STAG1: variants seen among roughly 807,000 people sequenced by gnomAD.
STAG1 encodes cohesin subunit SA-1.
A neutral mutation model predicts 170.9 loss-of-function variants in STAG1; 26 were observed. That is an observed-to-expected ratio of 0.15 (90% confidence interval 0.11 to 0.21). The LOEUF (loss-of-function observed/expected upper bound fraction) is 0.21. STAG1 is among the 10% of genes least tolerant of loss of function. The probability of loss-of-function intolerance (pLI) is 1.00; values close to 1 mark genes in which losing one functional copy is unlikely to be tolerated. For missense variants in STAG1, 964 were observed against 1,509.5 expected (o/e 0.64, Z 5.99); for synonymous variants, 514 against 497.7 (o/e 1.03, Z -0.44).
chr3:136,447,596 ATTTTTT>A (rs777110138), intron 14 of STAG1, among the ~76,000 whole-genome samples: 62 of 74,324 alleles, frequency 8.3e-4, no homozygotes, highest in African/African-American at 3.4e-3. Flanking sequence ...AAAGCATCAC[ATTTTTT>A]TTTTTTTTTT....
At chr3:136,455,112 T>C (rs777969260) in intron 13 of STAG1, among the ~76,000 whole-genome samples, 25 of 152,208 alleles carry the variant, frequency 1.6e-4, no homozygotes, top group Non-Finnish European at 3.1e-4. Context: ...CAAAAACTAA[T>C]GGAGGCTTAT....
At chr3:136,709,477 A>C (rs1250573884) in intron 1 of STAG1, among the ~76,000 whole-genome samples, 1 of 151,948 alleles carries the variant, frequency 6.6e-6, no homozygotes, top group East Asian at 1.9e-4. Context: ...GCTCACTCCT[A>C]TAATCACAGC....
chr3:136,604,350 T>C lies in STAG1; in HGVS notation c.256A>G (p.Thr86Ala). The C allele has an allele frequency of 6.2e-7, 1 of 1,612,678 alleles. No homozygotes were observed. Among genetic ancestry groups the C allele is most frequent in the Non-Finnish European group, 8.5e-7 (1 of 1,179,664 alleles). ...PQQNGEGEPVTLFEVVKLGKS... is the reference protein window; with the variant it reads ...PQQNGEGEPVALFEVVKLGKS... Reference sequence around the variant, plus strand: ...CCCAGTTTCACCACCTCAAATAATGTGACAGGCTCCCCTTCCCCATTCTGT... The same window carrying C: ...CCCAGTTTCACCACCTCAAATAATGCGACAGGCTCCCCTTCCCCATTCTGT... The change falls in exon 4 of 34, where the codon ACA becomes GCA. Residue 86 changes from threonine to alanine, a missense_variant. Physicochemically the swap from Thr to Ala is moderately conservative, Grantham distance 58. Transcript: ENST00000383202.
rs1351113612 is a variant in STAG1, at chr3:136,337,988, AACAC to A, written c.*262_*265del. The stretch of plus-strand genomic sequence containing the variant: ...TAAAATTTCTTCCTCCCTCCAGAAA[AACAC>A]ACACATCTGTATTGGGATAAGTCCA... On this transcript the variant is annotated 3_prime_UTR_variant, in exon 34 of 34. Transcript: ENST00000383202. The A allele has an allele frequency of 1.1e-5, 4 of 360,542 alleles. No individual in the cohort carries two copies. The highest frequency in any genetic ancestry group is 2.1e-5 in the African/African-American group (1 of 47,826). 22.3% of individuals were successfully genotyped at this position (360,542 alleles called of 1,614,324 possible). A position where few individuals can be genotyped will look rare whatever the true frequency, so the allele number is the denominator to read the frequency against.
At chr3:136,675,333 T>C (rs1352828192) in intron 1 of STAG1, among the ~76,000 whole-genome samples, 2 of 152,200 alleles carry the variant, frequency 1.3e-5, no homozygotes, top group Non-Finnish European at 1.5e-5. Flanking sequence ...AACAGCCATA[T>C]GCAAACATGA....
intron 11 of STAG1, 48 bp from the exon 12 acceptor site, chr3:136,472,540 G>C (rs1216954656): frequency 1.5e-6 from 2 of 1,319,478 alleles, no homozygotes; most frequent in Non-Finnish European, 1.1e-6. Flanking sequence ...CAGAAAATAA[G>C]CTGGGACAGA....
intron 1 of STAG1, among the ~76,000 whole-genome samples, chr3:136,679,105 T>C (rs912599524): frequency 6.6e-6 from 1 of 152,226 alleles, no homozygotes; most frequent in Middle Eastern, 3.4e-3. Context: ...TTACACCTAT[T>C]GGGCTGGCAA....
intron 4 of STAG1, among the ~76,000 whole-genome samples, chr3:136,580,366 CAG>C (rs1305195139): frequency 6.6e-6 from 1 of 151,474 alleles, no homozygotes. Flanking sequence ...AATAAAAAAA[CAG>C]AAAAACTGTG....
chr3:136,430,721 C>T (rs2088273307), intron 16 of STAG1, among the ~76,000 whole-genome samples: 1 of 150,770 alleles, frequency 6.6e-6, no homozygotes, highest in South Asian at 2.1e-4. Context: ...CCACATGCAG[C>T]CTGCAGGCCA....
chr3:136,377,974 G>C lies in STAG1; in HGVS notation c.2278-222C>G, dbSNP rs76790147. On this transcript the variant is annotated intron_variant, in intron 22 of 33. Coordinates refer to ENST00000383202, the MANE Select transcript of STAG1 (RefSeq NM_005862.3). ...TCTAAAACAGTTATAGTTAGCTATG[G>C]AATACTCAGTATGATTGTTTTCAAC... Among the ~76,000 whole-genome samples the C allele has an allele frequency of 9.2e-3, 1,395 of 152,286 alleles. 10 individuals are homozygous for C. Among genetic ancestry groups the C allele is most frequent in the Non-Finnish European group, 0.016 (1,112 of 68,028 alleles).
intron 4 of STAG1, among the ~76,000 whole-genome samples, chr3:136,583,595 C>T (rs551893298): frequency 6.6e-6 from 1 of 152,106 alleles, no homozygotes; most frequent in African/African-American, 2.4e-5. Context: ...TCGACACCAG[C>T]CTGGCCAACG....
intron 3 of STAG1, among the ~76,000 whole-genome samples, chr3:136,609,843 G>C (rs1293325476): frequency 6.6e-6 from 1 of 152,034 alleles, no homozygotes; most frequent in Non-Finnish European, 1.5e-5. Flanking sequence ...CTGAATTGTT[G>C]TCGGAGGCTT....
intron 22 of STAG1, among the ~76,000 whole-genome samples, chr3:136,379,737 T>A (rs1228944680): frequency 2.6e-5 from 4 of 152,066 alleles, no homozygotes; most frequent in African/African-American, 9.7e-5. Flanking sequence ...CAGAGGTGCT[T>A]TTGAGGAACT....
chr3:136,660,226 A>G (rs912868539), intron 1 of STAG1, among the ~76,000 whole-genome samples: 1 of 152,206 alleles, frequency 6.6e-6, no homozygotes, highest in African/African-American at 2.4e-5. Context: ...TCATAGAGAG[A>G]TGTACAGCTA....
chr3:136,527,380 C>T (rs543785344), intron 6 of STAG1, among the ~76,000 whole-genome samples: 97 of 152,270 alleles, frequency 6.4e-4, no homozygotes, highest in African/African-American at 2.2e-3. Context: ...TCCAGTTGAT[C>T]GAATCAGCTA....
At chr3:136,548,333 C>T (rs1936246683) in intron 5 of STAG1, among the ~76,000 whole-genome samples, 1 of 152,088 alleles carries the variant, frequency 6.6e-6, no homozygotes, top group African/African-American at 2.4e-5. Flanking sequence ...AGGCTGGTCT[C>T]AAACTCATGG....
chr3:136,566,462 C>A (rs755663556), intron 5 of STAG1, among the ~76,000 whole-genome samples: 3 of 152,044 alleles, frequency 2.0e-5, no homozygotes, highest in Non-Finnish European at 4.4e-5. Context: ...TTACAGCAAC[C>A]CAAAGTAAGG....
At chr3:136,443,215 G>T in intron 15 of STAG1, 72 bp downstream of exon 15, 4 of 994,460 alleles carry the variant, frequency 4.0e-6, no homozygotes, top group South Asian at 1.8e-5. Context: ...TTTAAGAAGC[G>T]ATCTATATAC....
chr3:136,674,267 A>C (rs950701344), intron 1 of STAG1, among the ~76,000 whole-genome samples: 1 of 152,170 alleles, frequency 6.6e-6, no homozygotes, highest in Admixed American at 6.5e-5. Context: ...AAAGTGAATG[A>C]ATAAAACAGA....
Sources: gnomAD v4.1 joint callset for allele counts (sites outside exome capture counted in the v4.1 genomes callset) on GRCh38, gnomAD v4.1.1 for gene constraint, MANE v1.5 for transcripts, NCBI Gene and HGNC (gene_info 2026-07-23, HGNC 2026-07-21) for gene names.